Variants in SNX9 observed in about 807,000 individuals in gnomAD.
SNX9 encodes sorting nexin 9.
SNX9 carries 44 observed loss-of-function variants against 89.4 expected under a neutral mutation model. The ratio of observed to expected loss-of-function variants is 0.49; its 90% CI spans 0.39 to 0.63. The LOEUF (loss-of-function observed/expected upper bound fraction) is 0.63, where lower values mean the gene tolerates loss of function less well. Among genes scored for constraint, SNX9 ranks in the 30% least tolerant of loss-of-function variants. The pLI, the probability that SNX9 is intolerant of heterozygous loss-of-function variation, is 0.00. For missense variants in SNX9, 578 were observed against 736.1 expected (o/e 0.79, Z 2.49); for synonymous variants, 236 against 247.8 (o/e 0.95, Z 0.45).
At chr6:157,867,684 A>C in intron 2 of SNX9, 51 bp downstream of exon 2, 1 of 1,339,946 alleles carries the variant, frequency 7.5e-7, no homozygotes, top group Non-Finnish European at 1.0e-6. Context: ...ACTTATTTTT[A>C]ACAAATCCGG....
At chr6:157,937,256 A>T (rs1783944924) in intron 14 of SNX9, among the ~76,000 whole-genome samples, 178 bp from the exon 15 acceptor site, 1 of 152,234 alleles carries the variant, frequency 6.6e-6, no homozygotes, top group South Asian at 2.1e-4. Context: ...ACAACATATG[A>T]TTCAAAGTAT....
rs77148346 is a variant in SNX9 at position 157,865,429 on chromosome 6, C to T, written c.13-2118C>T. ...ATGTCAGGAAAACACCTCAGCATGGCTGCTTTGTTCTTCATGACGCCCTGA... is the reference window on the plus strand; with the variant it reads ...ATGTCAGGAAAACACCTCAGCATGGTTGCTTTGTTCTTCATGACGCCCTGA... On this transcript the variant is annotated intron_variant, in intron 1 of 17. Transcript: ENST00000392185. 4.3e-3 allele frequency among the ~76,000 whole-genome samples: 649 copies of T among 151,220 alleles called. 1 individual carries two copies. The highest frequency in any genetic ancestry group is 0.027 in the Middle Eastern group (8 of 294).
chr6:157,930,461 A>G (rs1211297315), intron 12 of SNX9, among the ~76,000 whole-genome samples: 3 of 152,174 alleles, frequency 2.0e-5, no homozygotes, highest in Non-Finnish European at 4.4e-5. Context: ...GAGGCCCCCA[A>G]TCCCCAGGCC....
At chr6:157,884,602 C>A (rs570882600) in intron 4 of SNX9, among the ~76,000 whole-genome samples, 1 of 152,060 alleles carries the variant, frequency 6.6e-6, no homozygotes, top group Admixed American at 6.6e-5. Context: ...CTCCCACCCC[C>A]CCGTATGAAT....
At chr6:157,846,387 C>T (rs1332179467) in intron 1 of SNX9, among the ~76,000 whole-genome samples, 3 of 152,196 alleles carry the variant, frequency 2.0e-5, no homozygotes, top group East Asian at 3.9e-4. Flanking sequence ...AGAAATTGCC[C>T]TGAAGAGGAA....
intron 3 of SNX9, 102 bp downstream of exon 3, chr6:157,873,278 A>G (rs1320601383): frequency 1.3e-6 from 1 of 741,736 alleles, no homozygotes; most frequent in East Asian, 2.9e-5. Flanking sequence ...GCAAAACAAA[A>G]TTTCCATTGT....
At chr6:157,856,708 G>A (rs1374151715) in intron 1 of SNX9, among the ~76,000 whole-genome samples, 1 of 152,042 alleles carries the variant, frequency 6.6e-6, no homozygotes, top group African/African-American at 2.4e-5. Flanking sequence ...TTGTTGGGAT[G>A]GATTTCTGTA....
chr6:157,942,026 A>G (rs895791919), intron 17 of SNX9, among the ~76,000 whole-genome samples: 2 of 152,234 alleles, frequency 1.3e-5, no homozygotes, highest in Non-Finnish European at 2.9e-5. Context: ...AAATTTTGAT[A>G]GTGTTGATTT....
chr6:157,921,429 C>T (rs1045258613), intron 9 of SNX9, 102 bp from the exon 10 acceptor site: 20 of 1,216,074 alleles, frequency 1.6e-5, no homozygotes, highest in Non-Finnish European at 2.3e-5. Context: ...TAGCTTTCTA[C>T]CCAATAGCCA....
intron 3 of SNX9, among the ~76,000 whole-genome samples, chr6:157,873,787 C>CAG (rs1412086531): frequency 6.6e-6 from 1 of 152,036 alleles, no homozygotes; most frequent in Non-Finnish European, 1.5e-5. Context: ...TTCCCATAGA[C>CAG]AGAGGGGTGT....
chr6:157,940,911 G>T lies in SNX9; in HGVS notation c.1677G>T (p.Arg559=). ...AGATGAATCACTTTCACAGTAACCG[G>T]ATCTATGATTACAACAGTGTCATCC... The part of the protein sequence containing the change: ...QAEMNHFHSN[R]IYDYNSVIRL... The change falls in exon 17 of 18, where the codon CGG becomes CGT. Residue 559 remains arginine, a synonymous_variant. Coordinates refer to ENST00000392185, the MANE Select transcript of SNX9 (RefSeq NM_016224.5). 6.2e-7 allele frequency: 1 copy of T among 1,614,184 alleles called. No individual in the cohort carries two copies. Among genetic ancestry groups the T allele is most frequent in the Non-Finnish European group, 8.5e-7 (1 of 1,180,020 alleles).
intron 9 of SNX9, among the ~76,000 whole-genome samples, chr6:157,911,885 C>T (rs558394318): frequency 7.9e-5 from 12 of 152,106 alleles, no homozygotes; most frequent in South Asian, 2.1e-4. Context: ...ATTGTCATAG[C>T]AAAATTGAAA....
intron 17 of SNX9, among the ~76,000 whole-genome samples, chr6:157,941,986 T>A (rs1384222983): frequency 2.0e-5 from 3 of 152,234 alleles, no homozygotes; most frequent in Non-Finnish European, 4.4e-5. Flanking sequence ...CATTTGTCTG[T>A]GTGAGAAAAT....
chr6:157,841,124 C>T (rs1781694944), intron 1 of SNX9, among the ~76,000 whole-genome samples: 1 of 152,132 alleles, frequency 6.6e-6, no homozygotes, highest in South Asian at 2.1e-4. Flanking sequence ...GGGCAGAATG[C>T]TGTTATGGGC....
intron 12 of SNX9, among the ~76,000 whole-genome samples, chr6:157,931,248 A>T (rs1379584509): frequency 6.6e-6 from 1 of 152,212 alleles, no homozygotes; most frequent in Non-Finnish European, 1.5e-5. Context: ...GAGGTACCAC[A>T]GGGGTACAAT....
intron 13 of SNX9, 146 bp from the exon 14 acceptor site, chr6:157,935,818 T>TGGGC (rs1466009343): frequency 3.3e-6 from 2 of 603,166 alleles, no homozygotes; most frequent in Non-Finnish European, 5.5e-6. Flanking sequence ...TGGTGGGTGA[T>TGGGC]GGGCATTCAT....
At chr6:157,901,460 TG>T (rs1236887525) in intron 5 of SNX9, among the ~76,000 whole-genome samples, 1 of 152,216 alleles carries the variant, frequency 6.6e-6, no homozygotes, top group Non-Finnish European at 1.5e-5. Context: ...TTCTAGGAGT[TG>T]TGTGGTTTCA....
intron 9 of SNX9, among the ~76,000 whole-genome samples, chr6:157,916,935 A>T (rs1026940767): frequency 2.0e-5 from 3 of 152,182 alleles, no homozygotes; most frequent in African/African-American, 7.2e-5. Context: ...TGAGTTTGGA[A>T]CTATTCCCTC....
At chr6:157,828,061 A>C (rs1447797480) in intron 1 of SNX9, among the ~76,000 whole-genome samples, 1 of 152,202 alleles carries the variant, frequency 6.6e-6, no homozygotes, top group Non-Finnish European at 1.5e-5. Context: ...CCTCCAGAGC[A>C]GAAACTTCTT....
Sources: gnomAD v4.1 joint callset for allele counts (sites outside exome capture counted in the v4.1 genomes callset) on GRCh38, gnomAD v4.1.1 for gene constraint, MANE v1.5 for transcripts, NCBI Gene and HGNC (gene_info 2026-07-23, HGNC 2026-07-21) for gene names.